CDH18: variants seen among roughly 807,000 people sequenced by gnomAD.
CDH18 encodes the protein cadherin-18.
In CDH18, 31 loss-of-function variants were observed where a neutral mutation model predicts 67.9. That is an observed-to-expected ratio of 0.46 (90% confidence interval 0.34 to 0.62). CDH18 has a LOEUF of 0.62. CDH18 is among the 20% of genes least tolerant of loss of function. CDH18 has a pLI of 0.01. For synonymous variants in CDH18, 362 were observed against 347.2 expected, an observed-to-expected ratio of 1.04 and a Z score of -0.48; for missense variants, 890 against 975.5, an observed-to-expected ratio of 0.91 and a Z score of 1.17.
intron 11 of CDH18, among the ~76,000 whole-genome samples, chr5:19,498,782 A>C (rs927949830): frequency 3.3e-5 from 5 of 152,086 alleles, no homozygotes; most frequent in Admixed American, 2.0e-4. Context: ...TCTTCCTCAT[A>C]TCTTAGGGCC....
intron 1 of CDH18, among the ~76,000 whole-genome samples, chr5:20,479,541 T>C (rs180973361): frequency 6.6e-6 from 1 of 152,118 alleles, no homozygotes; most frequent in African/African-American, 2.4e-5. Context: ...AGTGAACTTA[T>C]AAACAGGCTA....
intron 1 of CDH18, among the ~76,000 whole-genome samples, chr5:20,470,131 G>A (rs1362756964): frequency 6.6e-6 from 1 of 152,012 alleles, no homozygotes; most frequent in African/African-American, 2.4e-5. Context: ...CATGCCACTG[G>A]GAAGTGCATG....
chr5:20,252,308 G>T (rs182866487), intron 2 of CDH18, among the ~76,000 whole-genome samples: 1 of 151,656 alleles, frequency 6.6e-6, no homozygotes, highest in Admixed American at 6.6e-5. Flanking sequence ...CCTAGATCAC[G>T]CCACTGCACT....
At chr5:20,450,510 T>C (rs539002410) in intron 1 of CDH18, among the ~76,000 whole-genome samples, 2 of 152,140 alleles carry the variant, frequency 1.3e-5, no homozygotes, top group Non-Finnish European at 2.9e-5. Context: ...TGTAATGCAT[T>C]TTCTACCAAT....
At chr5:20,569,642 T>C (rs549939628) in intron 1 of CDH18, among the ~76,000 whole-genome samples, 1 of 152,094 alleles carries the variant, frequency 6.6e-6, no homozygotes, top group Admixed American at 6.6e-5. Flanking sequence ...AACAACAAAC[T>C]CTTACCATAT....
intron 2 of CDH18, among the ~76,000 whole-genome samples, chr5:20,157,146 C>T (rs1043418998): frequency 1.2e-4 from 18 of 152,118 alleles, no homozygotes; most frequent in African/African-American, 4.3e-4. Flanking sequence ...TTGTGAAACT[C>T]AGAATGGTAT....
At chr5:19,717,991 A>AT (rs1295760583) in intron 5 of CDH18, among the ~76,000 whole-genome samples, 2 of 151,856 alleles carry the variant, frequency 1.3e-5, no homozygotes, top group East Asian at 1.9e-4. Context: ...AAAACAATAC[A>AT]TTTTTTTCAC....
At chr5:20,334,704 T>C in intron 1 of CDH18, among the ~76,000 whole-genome samples, 2 of 150,014 alleles carry the variant, frequency 1.3e-5, no homozygotes, top group Non-Finnish European at 1.5e-5. Context: ...TCCTAATTCT[T>C]CCCAACACAT....
chr5:20,137,223 C>G (rs188513530), intron 2 of CDH18, among the ~76,000 whole-genome samples: 1 of 152,112 alleles, frequency 6.6e-6, no homozygotes, highest in Non-Finnish European at 1.5e-5. Flanking sequence ...GTACACCAGT[C>G]CGATGTAGAC....
chr5:19,789,768 T>C (rs529246694), intron 3 of CDH18, among the ~76,000 whole-genome samples: 2 of 152,086 alleles, frequency 1.3e-5, no homozygotes, highest in Non-Finnish European at 2.9e-5. Context: ...TGTTTGCCAA[T>C]AGTAGTACTT....
intron 1 of CDH18, among the ~76,000 whole-genome samples, chr5:20,375,726 G>A (rs1368748742): frequency 6.6e-6 from 1 of 151,932 alleles, no homozygotes; most frequent in African/African-American, 2.4e-5. Flanking sequence ...AATTAATTGT[G>A]CTCAATTTTT....
At chr5:19,619,895 T>C (rs1162207) in intron 5 of CDH18, among the ~76,000 whole-genome samples, 1 of 152,148 alleles carries the variant, frequency 6.6e-6, no homozygotes, top group Non-Finnish European at 1.5e-5. Flanking sequence ...AAAATATATA[T>C]GAAATTATAT....
chr5:20,404,957 C>T (rs972284645), intron 1 of CDH18, among the ~76,000 whole-genome samples: 1 of 152,092 alleles, frequency 6.6e-6, no homozygotes, highest in Non-Finnish European at 1.5e-5. Context: ...TCATTACACT[C>T]AAGGCTGCTA....
At chr5:19,790,888 A>G (rs899494505) in intron 3 of CDH18, among the ~76,000 whole-genome samples, 1 of 152,120 alleles carries the variant, frequency 6.6e-6, no homozygotes, top group African/African-American at 2.4e-5. Flanking sequence ...AGGAGCTGAC[A>G]AGACTCACTA....
intron 5 of CDH18, among the ~76,000 whole-genome samples, chr5:19,637,284 A>G (rs1753299438): frequency 6.6e-6 from 1 of 151,964 alleles, no homozygotes; most frequent in Non-Finnish European, 1.5e-5. Flanking sequence ...TGGAATGGTT[A>G]AATTGAAGTA....
chr5:20,559,299 C>T (rs1371614633), intron 1 of CDH18, among the ~76,000 whole-genome samples: 2 of 151,900 alleles, frequency 1.3e-5, no homozygotes, highest in Non-Finnish European at 2.9e-5. Flanking sequence ...CAACTTCCTC[C>T]CCAGGAATAA....
intron 2 of CDH18, among the ~76,000 whole-genome samples, chr5:19,964,347 A>G (rs1331682632): frequency 6.6e-6 from 1 of 151,812 alleles, no homozygotes; most frequent in African/African-American, 2.4e-5. Context: ...TTGGAAGGCC[A>G]AGGTGGAAGG....
At chr5:19,895,219 G>A (rs1477649009) in intron 2 of CDH18, among the ~76,000 whole-genome samples, 1 of 152,126 alleles carries the variant, frequency 6.6e-6, no homozygotes, top group Non-Finnish European at 1.5e-5. Flanking sequence ...GAAGAAACTT[G>A]AGCTGAAATA....
Position 19,719,917 on chromosome 5 carries a change from G to GAAAGAAAGA in CDH18, c.643+1421_643+1429dup, listed in dbSNP as rs1468374205. Among the ~76,000 whole-genome samples, 3 of 140,604 alleles carry GAAAGAAAGA rather than the reference G, an allele frequency of 2.1e-5. 1 individual carries two copies. The highest frequency in any genetic ancestry group is 8.3e-5 in the African/African-American group (3 of 36,048). 92.2% of individuals were successfully genotyped at this position (140,604 alleles called of 152,430 possible). A position where few individuals can be genotyped will look rare whatever the true frequency, so the allele number is the denominator to read the frequency against. ...GAGTTAAGCAAGAGAAAGAAAGAAA[G>GAAAGAAAGA]AAAGAAAGAAAGAAAGAAAGAAAGA... On this transcript the variant is annotated intron_variant, in intron 5 of 12. Coordinates refer to ENST00000382275, the MANE Select transcript of CDH18 (RefSeq NM_004934.5).
Sources: gnomAD v4.1 joint callset for allele counts (sites outside exome capture counted in the v4.1 genomes callset) on GRCh38, gnomAD v4.1.1 for gene constraint, MANE v1.5 for transcripts, NCBI Gene and HGNC (gene_info 2026-07-23, HGNC 2026-07-21) for gene names.